The following VSNL1 variants were observed in gnomAD, a reference collection of about 807,000 sequenced individuals.
VSNL1 encodes the protein visinin like 1, also known as visinin-like protein 1.
A neutral mutation model predicts 20.4 loss-of-function variants in VSNL1; 6 were observed. That is an observed-to-expected ratio of 0.29 (90% confidence interval 0.16 to 0.58). The LOEUF (loss-of-function observed/expected upper bound fraction) is 0.58, where lower values mean the gene tolerates loss of function less well. VSNL1 is among the 20% of genes least tolerant of loss of function. VSNL1 has a pLI of 0.90. For missense variants in VSNL1, 100 were observed against 234.5 expected (o/e 0.43, Z 3.75); for synonymous variants, 93 against 86.4 (o/e 1.08, Z -0.42).
intron 1 of VSNL1, among the ~76,000 whole-genome samples, chr2:17,564,993 C>T (rs1663903723): frequency 6.6e-6 from 1 of 152,156 alleles, no homozygotes; most frequent in South Asian, 2.1e-4. Context: ...TGTATTTTTT[C>T]CTAAACTTAA....
At chr2:17,601,999 C>T (rs1664831578) in intron 2 of VSNL1, among the ~76,000 whole-genome samples, 1 of 152,186 alleles carries the variant, frequency 6.6e-6, no homozygotes, top group Non-Finnish European at 1.5e-5. Context: ...TGGACTTGAA[C>T]ATGCAAAATC....
rs370980396 is a variant in VSNL1, at chr2:17,560,802, A to G, written c.-6+19884A>G. Among the ~76,000 whole-genome samples, 8 of 152,208 alleles carry G rather than the reference A, an allele frequency of 5.3e-5. No individual in the cohort carries two copies. The East Asian group carries it at 9.6e-4, about 18-fold the overall frequency. ...TGTCATTAACATAGAAATTTGCCAT[A>G]TATTTTAGTATGCTTTAGAAGATAG... is the stretch of plus-strand genomic sequence containing the variant. On this transcript the variant is annotated intron_variant, in intron 1 of 3. Coordinates refer to ENST00000295156, the MANE Select transcript of VSNL1 (RefSeq NM_003385.5).
intron 1 of VSNL1, among the ~76,000 whole-genome samples, chr2:17,547,872 G>A (rs145747445): frequency 2.6e-5 from 4 of 152,058 alleles, no homozygotes; most frequent in African/African-American, 7.2e-5. Flanking sequence ...TAAATAACAC[G>A]TTTCCCTTCT....
chr2:17,642,999 C>T (rs966596629), intron 2 of VSNL1, among the ~76,000 whole-genome samples: 1 of 151,436 alleles, frequency 6.6e-6, no homozygotes, highest in Non-Finnish European at 1.5e-5. Flanking sequence ...CTGTGAGAAC[C>T]CTTTGAGGGT....
Position 17,656,568 on chromosome 2 carries a change from G to T in VSNL1, c.*1174G>T, listed in dbSNP as rs1232063254. The T allele has an allele frequency of 1.3e-5, 2 of 152,016 alleles. No homozygotes were observed. Among genetic ancestry groups the T allele is most frequent in the Non-Finnish European group, 2.9e-5 (2 of 68,028 alleles). 9.4% of individuals were successfully genotyped at this position (152,016 alleles called of 1,614,324 possible). A position where few individuals can be genotyped will look rare whatever the true frequency, so the allele number is the denominator to read the frequency against. On this transcript the variant is annotated 3_prime_UTR_variant, in exon 4 of 4. Transcript: ENST00000295156. ...ATCTGTCTTCCCAAATCTAAAGTAG[G>T]CAAAAAATAACAGAAGTAGCTATTT...
intron 2 of VSNL1, among the ~76,000 whole-genome samples, chr2:17,637,956 C>T (rs1193469211): frequency 6.6e-6 from 1 of 152,200 alleles, no homozygotes; most frequent in Non-Finnish European, 1.5e-5. Flanking sequence ...GCGGTCAAGT[C>T]AAGACTCTCT....
At chr2:17,625,747 C>G (rs1665495291) in intron 2 of VSNL1, among the ~76,000 whole-genome samples, 1 of 152,024 alleles carries the variant, frequency 6.6e-6, no homozygotes, top group African/African-American at 2.4e-5. Flanking sequence ...CTCCTCCACT[C>G]CTTCATGTAT....
intron 1 of VSNL1, among the ~76,000 whole-genome samples, chr2:17,575,862 T>C (rs1327126962): frequency 2.0e-5 from 3 of 152,200 alleles, no homozygotes; most frequent in Non-Finnish European, 4.4e-5. Context: ...TTACAAGTTC[T>C]CATATGTTAA....
chr2:17,566,875 T>C (rs1010728778), intron 1 of VSNL1, among the ~76,000 whole-genome samples: 10 of 152,210 alleles, frequency 6.6e-5, no homozygotes, highest in Non-Finnish European at 1.2e-4. Context: ...TTATTGAATA[T>C]ATTTTTCTTT....
At chr2:17,560,462 C>T (rs1281786566) in intron 1 of VSNL1, among the ~76,000 whole-genome samples, 1 of 152,012 alleles carries the variant, frequency 6.6e-6, no homozygotes, top group Non-Finnish European at 1.5e-5. Flanking sequence ...AAAGGTATTT[C>T]ATTGTTATAA....
At chr2:17,638,438 AG>A (rs1362657644) in intron 2 of VSNL1, among the ~76,000 whole-genome samples, 1 of 152,216 alleles carries the variant, frequency 6.6e-6, no homozygotes, top group Non-Finnish European at 1.5e-5. Flanking sequence ...TAGAACTCCT[AG>A]GGCTCAGAGG....
intron 1 of VSNL1, among the ~76,000 whole-genome samples, chr2:17,553,982 C>G (rs1663613669): frequency 6.6e-6 from 1 of 152,164 alleles, no homozygotes; most frequent in Non-Finnish European, 1.5e-5. Flanking sequence ...GCATAGCCAA[C>G]AGACCATCTT....
intron 2 of VSNL1, among the ~76,000 whole-genome samples, chr2:17,644,702 T>TG (rs940791673): frequency 1.3e-5 from 2 of 152,140 alleles, no homozygotes; most frequent in African/African-American, 2.4e-5. Context: ...AAGAATCAGC[T>TG]GGGGTGGCCT....
intron 2 of VSNL1, among the ~76,000 whole-genome samples, chr2:17,607,946 A>G (rs1218638090): frequency 6.6e-6 from 1 of 152,232 alleles, no homozygotes; most frequent in Non-Finnish European, 1.5e-5. Context: ...AACATCCCCC[A>G]TTCTGAGAGT....
At chr2:17,587,495 G>A (rs1204313931) in intron 1 of VSNL1, among the ~76,000 whole-genome samples, 1 of 151,976 alleles carries the variant, frequency 6.6e-6, no homozygotes, top group African/African-American at 2.4e-5. Flanking sequence ...CCACATCCAC[G>A]AAGTTCTCCT....
rs1666064118 is a variant in VSNL1, at chr2:17,649,060, G to GA, written c.163-349dup. 6.6e-6 allele frequency among the ~76,000 whole-genome samples: 1 copy of GA among 152,166 alleles called. No homozygotes were observed. The highest frequency in any genetic ancestry group is 6.5e-5 in the Admixed American group (1 of 15,290). ...GTTCGTGTAGCACCACCTGTGTGGG[G>GA]AGAGAAACTGCTGTCTGCCTCAGTC... On this transcript the variant is annotated intron_variant, in intron 2 of 3. Transcript: ENST00000295156. This position sits in a 1 kb window ranked among gnomAD's most constrained non-coding sequence, Gnocchi z 6.4.
chr2:17,553,782 T>C (rs1265354798), intron 1 of VSNL1, among the ~76,000 whole-genome samples: 2 of 152,234 alleles, frequency 1.3e-5, no homozygotes, highest in Non-Finnish European at 2.9e-5. Flanking sequence ...TCTCACGAAA[T>C]TGTTGTGAGG....
chr2:17,612,959 G>A (rs542479893), intron 2 of VSNL1, among the ~76,000 whole-genome samples: 1 of 152,256 alleles, frequency 6.6e-6, no homozygotes, highest in African/African-American at 2.4e-5. Context: ...CCAGTGCAGT[G>A]CAGTGCAGTG....
At chr2:17,597,538 C>A (rs1664737673) in intron 2 of VSNL1, among the ~76,000 whole-genome samples, 1 of 152,052 alleles carries the variant, frequency 6.6e-6, no homozygotes, top group South Asian at 2.1e-4. Flanking sequence ...GGTGAGAGAG[C>A]CCTAGAGTCC....
Sources: allele counts gnomAD v4.1 joint callset (sites outside exome capture counted in the v4.1 genomes callset), GRCh38; gene constraint gnomAD v4.1.1; non-coding constraint Gnocchi (gnomAD v3.1); transcripts MANE v1.5; gene names NCBI Gene and HGNC (gene_info 2026-07-23, HGNC 2026-07-21).